Variants in IMMP2L observed in about 807,000 individuals in gnomAD.
IMMP2L encodes mitochondrial inner membrane protease subunit 2.
A neutral mutation model predicts 19.3 loss-of-function variants in IMMP2L; 18 were observed. That is an observed-to-expected ratio of 0.93 (90% CI 0.64 to 1.38). The LOEUF (loss-of-function observed/expected upper bound fraction) is 1.38, where lower values mean the gene tolerates loss of function less well. IMMP2L is among the 40% of genes most tolerant of loss of function. IMMP2L has a pLI of 0.00. For synonymous variants in IMMP2L, 76 were observed against 73.0 expected (o/e 1.04, Z -0.21); for missense variants, 233 against 218.2 (o/e 1.07, Z -0.43).
intron 5 of IMMP2L, among the ~76,000 whole-genome samples, chr7:110,751,296 T>A (rs1458015585): frequency 3.3e-5 from 5 of 151,654 alleles, no homozygotes. Flanking sequence ...AGAAAAAAAA[T>A]TTTAAAAAGA....
chr7:111,521,984 CT>C, intron 1 of IMMP2L, among the ~76,000 whole-genome samples: 1 of 152,184 alleles, frequency 6.6e-6, no homozygotes, highest in Non-Finnish European at 1.5e-5. Flanking sequence ...CATTTTATAA[CT>C]GTAATACTAA....
At chr7:111,342,319 C>T (rs1328242297) in intron 3 of IMMP2L, among the ~76,000 whole-genome samples, 1 of 152,066 alleles carries the variant, frequency 6.6e-6, no homozygotes, top group Non-Finnish European at 1.5e-5. Flanking sequence ...GTTGGCTGGG[C>T]ACAGTGGCTC....
intron 4 of IMMP2L, among the ~76,000 whole-genome samples, chr7:110,913,428 T>C (rs1813266129): frequency 1.3e-5 from 2 of 150,602 alleles, no homozygotes; most frequent in Admixed American, 6.6e-5. Context: ...ATCTAAAACA[T>C]AGAAGGAACT....
chr7:111,294,353 C>T (rs912287619), intron 3 of IMMP2L, among the ~76,000 whole-genome samples: 1 of 151,808 alleles, frequency 6.6e-6, no homozygotes, highest in Admixed American at 6.6e-5. Flanking sequence ...CCAGAATGAG[C>T]AGTATATAGC....
intron 3 of IMMP2L, among the ~76,000 whole-genome samples, chr7:111,206,665 TTTCAG>T (rs1810742702): frequency 6.6e-6 from 1 of 152,204 alleles, no homozygotes; most frequent in African/African-American, 2.4e-5. Flanking sequence ...AATTATACTC[TTTCAG>T]TTATTTTAAA....
intron 3 of IMMP2L, among the ~76,000 whole-genome samples, chr7:111,371,968 T>C (rs1830294295): frequency 6.6e-6 from 1 of 152,038 alleles, no homozygotes; most frequent in African/African-American, 2.4e-5. Flanking sequence ...AAACTCAGAA[T>C]ATATTGACAA....
chr7:111,555,370 A>G (rs1391618999), intron 1 of IMMP2L, among the ~76,000 whole-genome samples: 1 of 152,134 alleles, frequency 6.6e-6, no homozygotes, highest in Non-Finnish European at 1.5e-5. Context: ...AAGGACATTT[A>G]AAATTCATAT....
At chr7:110,820,161 G>C (rs1802894894) in intron 5 of IMMP2L, among the ~76,000 whole-genome samples, 1 of 151,926 alleles carries the variant, frequency 6.6e-6, no homozygotes, top group South Asian at 2.1e-4. Flanking sequence ...TATCTTCAGG[G>C]TACAATACAA....
chr7:110,726,553 A>G (rs1047815928), intron 5 of IMMP2L, among the ~76,000 whole-genome samples: 4 of 152,228 alleles, frequency 2.6e-5, no homozygotes, highest in Non-Finnish European at 5.9e-5. Flanking sequence ...TACCTACATC[A>G]AAGTCCTAGT....
At chr7:111,234,585 T>C (rs76551294) in intron 3 of IMMP2L, among the ~76,000 whole-genome samples, 2,446 of 152,202 alleles carry the variant, frequency 0.016, 66 homozygotes, top group African/African-American at 0.054. Context: ...TGGATTTGAA[T>C]CTACCCTTTT....
chr7:110,794,299 C>T (rs1800701650), intron 5 of IMMP2L, among the ~76,000 whole-genome samples: 2 of 152,098 alleles, frequency 1.3e-5, no homozygotes, highest in South Asian at 2.1e-4. Flanking sequence ...TACATACATA[C>T]AATGAAATGT....
At position 111,240,307 on chromosome 7, in the gene IMMP2L, T is replaced by A. The variant is rs115544106; in HGVS notation, c.239+246931A>T. Among the ~76,000 whole-genome samples, 7 of 152,114 alleles carry A rather than the reference T, an allele frequency of 4.6e-5. No homozygotes were observed. In the South Asian group the frequency reaches 1.2e-3, roughly 27 times the overall value. ...TGTTCTTCTAAAAAGAGTAATTTAA[T>A]AACTTGACTTATTTAAGTTTGATTC... On this transcript the variant is annotated intron_variant, in intron 3 of 5. Coordinates refer to ENST00000405709, the MANE Select transcript of IMMP2L (RefSeq NM_032549.4).
chr7:111,513,897 C>A (rs1254361064), intron 2 of IMMP2L, among the ~76,000 whole-genome samples: 3 of 151,652 alleles, frequency 2.0e-5, no homozygotes, highest in Non-Finnish European at 4.4e-5. Context: ...GTGGATGAAC[C>A]TAGAGAACAT....
intron 5 of IMMP2L, among the ~76,000 whole-genome samples, chr7:110,798,485 A>T (rs1387475996): frequency 6.6e-6 from 1 of 151,970 alleles, no homozygotes; most frequent in African/African-American, 2.4e-5. Flanking sequence ...AAAGAGATAA[A>T]CTTAGACGGA....
At chr7:110,884,016 T>C (rs1255861808) in intron 5 of IMMP2L, among the ~76,000 whole-genome samples, 1 of 152,104 alleles carries the variant, frequency 6.6e-6, no homozygotes, top group Non-Finnish European at 1.5e-5. Flanking sequence ...AAAGAATTGC[T>C]GCAGGCATTT....
At chr7:111,502,401 G>C (rs932181297) in intron 2 of IMMP2L, among the ~76,000 whole-genome samples, 8 of 152,042 alleles carry the variant, frequency 5.3e-5, no homozygotes, top group African/African-American at 1.9e-4. Context: ...GTCAACATTA[G>C]ACAGATCAAC....
rs145032699 is a variant in IMMP2L, at chr7:111,155,780, T to G, written c.240-192215A>C. Among the ~76,000 whole-genome samples, 270 of 152,200 alleles carry G rather than the reference T, an allele frequency of 1.8e-3. 4 individuals carry two copies. Among genetic ancestry groups the G allele is most frequent in the African/African-American group, 6.1e-3 (254 of 41,544 alleles). On this transcript the variant is annotated intron_variant, in intron 3 of 5. Transcript: ENST00000405709. The stretch of plus-strand genomic sequence containing the variant: ...TGCATAACATAGATATTGTAAAGTG[T>G]AAAAATTTTAGGCATAGCTTCGATG...
intron 3 of IMMP2L, among the ~76,000 whole-genome samples, chr7:111,363,624 G>C (rs1031899485): frequency 2.6e-5 from 4 of 151,940 alleles, no homozygotes; most frequent in Non-Finnish European, 4.4e-5. Flanking sequence ...TAGCTGATTT[G>C]TCTGCCTACG....
chr7:111,440,163 T>C (rs1292203520), intron 3 of IMMP2L, among the ~76,000 whole-genome samples: 1 of 151,896 alleles, frequency 6.6e-6, no homozygotes, highest in African/African-American at 2.4e-5. Flanking sequence ...GCTGTTCATG[T>C]TGGTATTTTG....
Sources: allele counts gnomAD v4.1 joint callset (sites outside exome capture counted in the v4.1 genomes callset), GRCh38; gene constraint gnomAD v4.1.1; transcripts MANE v1.5; gene names NCBI Gene and HGNC (gene_info 2026-07-23, HGNC 2026-07-21).